The following BANK1 variants were observed in gnomAD, a reference collection of about 807,000 sequenced individuals.
BANK1 encodes the protein B cell scaffold protein with ankyrin repeats 1.
Under a neutral mutation model 94.5 loss-of-function variants are expected in BANK1, and 95 were observed. The observed-to-expected ratio is 1.00, with a 90% CI of 0.85 to 1.19. The LOEUF is 1.19. Among genes scored for constraint, BANK1 ranks in the 50% most tolerant of loss-of-function variants. The probability of loss-of-function intolerance (pLI) is 0.00; values close to 1 mark genes in which losing one functional copy is unlikely to be tolerated. For synonymous variants in BANK1, 334 were observed against 308.4 expected (o/e 1.08, Z -0.87); for missense variants, 987 against 932.2 (o/e 1.06, Z -0.77).
At chr4:102,026,461 G>T (rs1727100955) in intron 9 of BANK1, among the ~76,000 whole-genome samples, 1 of 151,610 alleles carries the variant, frequency 6.6e-6, no homozygotes, top group Non-Finnish European at 1.5e-5. Flanking sequence ...CTATAATTTA[G>T]TTGTTGGGTC....
chr4:101,903,806 A>T (rs1486174352), intron 6 of BANK1, among the ~76,000 whole-genome samples: 1 of 152,198 alleles, frequency 6.6e-6, no homozygotes, highest in Non-Finnish European at 1.5e-5. Context: ...TTTCTGTGGC[A>T]CAATGGTAGT....
intron 7 of BANK1, among the ~76,000 whole-genome samples, chr4:102,002,603 A>G (rs1447448411): frequency 6.6e-6 from 1 of 151,538 alleles, no homozygotes; most frequent in Non-Finnish European, 1.5e-5. Context: ...ATATATACCT[A>G]CTCATATACA....
Position 101,798,370 on chromosome 4 carries a change from C to T in BANK1, c.70+7420C>T, listed in dbSNP as rs140841199. On this transcript the variant is annotated intron_variant, in intron 1 of 16. Coordinates refer to ENST00000322953, the MANE Select transcript of BANK1 (RefSeq NM_017935.5). Reference sequence around the variant, plus strand: ...CAGCAATTTAATTGTTCTCAAAAGCCGATGGCGTCACACCAAAGGGGGGTT... The same window carrying T: ...CAGCAATTTAATTGTTCTCAAAAGCTGATGGCGTCACACCAAAGGGGGGTT... Among the ~76,000 whole-genome samples the T allele has an allele frequency of 6.1e-3, 925 of 152,254 alleles. 15 individuals are homozygous for T. Among genetic ancestry groups the T allele is most frequent in the African/African-American group, 0.021 (877 of 41,556 alleles).
At chr4:101,866,437 C>G (rs1728068517) in intron 4 of BANK1, among the ~76,000 whole-genome samples, 1 of 151,912 alleles carries the variant, frequency 6.6e-6, no homozygotes, top group Non-Finnish European at 1.5e-5. Flanking sequence ...CAAAATGAAG[C>G]ACAATAAATA....
At chr4:102,020,742 C>T (rs7695494) in intron 7 of BANK1, among the ~76,000 whole-genome samples, 15,303 of 152,124 alleles carry the variant, frequency 0.1, 841 homozygotes, top group Middle Eastern at 0.14. Flanking sequence ...AGAACAGAAA[C>T]GTAAGTCATT....
At chr4:102,027,871 C>T (rs1578465312) in intron 9 of BANK1, among the ~76,000 whole-genome samples, 1 of 152,234 alleles carries the variant, frequency 6.6e-6, no homozygotes. Context: ...TTCCAAGAAG[C>T]CCTATAATTA....
Position 102,006,377 on chromosome 4 carries a change from G to T in BANK1, c.1207-15137G>T, listed in dbSNP as rs76267693. 4.7e-3 allele frequency among the ~76,000 whole-genome samples: 717 copies of T among 152,040 alleles called. 13 individuals carry two copies. The East Asian group carries it at 0.055, about 12-fold the overall frequency. On this transcript the variant is annotated intron_variant, in intron 7 of 16. Coordinates refer to ENST00000322953, the MANE Select transcript of BANK1 (RefSeq NM_017935.5). ...ACTTCTAGAGATTCTAACTTAATTG[G>T]TTTTGAGTGGGGCTTGGGAATAGGT...
chr4:101,881,236 C>T (rs779925132), intron 5 of BANK1, among the ~76,000 whole-genome samples: 5 of 151,594 alleles, frequency 3.3e-5, no homozygotes, highest in Non-Finnish European at 7.4e-5. Context: ...AAAAAAAAAT[C>T]TAGTAATCCA....
chr4:101,911,005 T>A lies in BANK1; in HGVS notation c.1010-6988T>A, dbSNP rs547301158. 2.0e-5 allele frequency among the ~76,000 whole-genome samples: 3 copies of A among 152,346 alleles called. No homozygotes were observed. In the South Asian group the frequency reaches 6.2e-4, roughly 32 times the overall value. ...CATAGTACTTAACATGCGTTTTGCT[T>A]ACTCTGTCAAACAGGTCTAAGCACT... On this transcript the variant is annotated intron_variant, in intron 6 of 16. Transcript: ENST00000322953.
At chr4:102,043,798 C>A in intron 10 of BANK1, 41 bp from the exon 11 acceptor site, 1 of 1,355,398 alleles carries the variant, frequency 7.4e-7, no homozygotes, top group Non-Finnish European at 1.0e-6. Context: ...ATTTTTTGAA[C>A]GTTTATGTTC....
intron 7 of BANK1, among the ~76,000 whole-genome samples, chr4:101,982,979 A>C (rs1241013329): frequency 6.6e-6 from 1 of 151,988 alleles, no homozygotes; most frequent in South Asian, 2.1e-4. Context: ...TTGTCCTTGA[A>C]GAATTTTCTG....
chr4:101,846,234 A>T lies in BANK1; in HGVS notation c.470-8801A>T, dbSNP rs553027138. ...ATGTGGCACATATATACCATGGAAT[A>T]CTATGCAGCCATACAAAATGATGAG... On this transcript the variant is annotated intron_variant, in intron 2 of 16. Transcript: ENST00000322953. 6.6e-4 allele frequency among the ~76,000 whole-genome samples: 101 copies of T among 152,366 alleles called. No homozygotes were observed. In the South Asian group the frequency reaches 0.019, roughly 28 times the overall value.
intron 11 of BANK1, among the ~76,000 whole-genome samples, chr4:102,058,251 G>A (rs553392710): frequency 6.6e-6 from 1 of 151,996 alleles, no homozygotes; most frequent in Non-Finnish European, 1.5e-5. Context: ...ACTACAATGG[G>A]TTGGTTGATG....
At chr4:101,873,881 A>C (rs372170478) in intron 5 of BANK1, among the ~76,000 whole-genome samples, 72 of 152,178 alleles carry the variant, frequency 4.7e-4, no homozygotes, top group Non-Finnish European at 9.7e-4. Context: ...TGAGACTTTC[A>C]TCCTATTTAC....
intron 2 of BANK1, among the ~76,000 whole-genome samples, chr4:101,833,513 T>G (rs952471277): frequency 2.6e-5 from 4 of 152,246 alleles, no homozygotes; most frequent in African/African-American, 9.6e-5. Context: ...ACTGCTTCCA[T>G]AGATGCTTCT....
chr4:101,828,382 T>TA (rs1726446950), intron 1 of BANK1, among the ~76,000 whole-genome samples: 1 of 104,036 alleles, frequency 9.6e-6, no homozygotes, highest in Non-Finnish European at 1.7e-5. Flanking sequence ...GATGAGTGAA[T>TA]TTATATATAT....
At chr4:101,897,318 T>C (rs902744433) in intron 6 of BANK1, among the ~76,000 whole-genome samples, 37 of 151,946 alleles carry the variant, frequency 2.4e-4, no homozygotes, top group Non-Finnish European at 4.1e-4. Context: ...GGAATCAAAA[T>C]TGTGGAGATG....
chr4:101,807,051 C>A (rs898392138), intron 1 of BANK1, among the ~76,000 whole-genome samples: 1 of 152,202 alleles, frequency 6.6e-6, no homozygotes, highest in South Asian at 2.1e-4. Context: ...TTTTCTTTAG[C>A]AACCGGGGGT....
rs1206740818 is a variant in BANK1 at position 101,870,582 on chromosome 4, C to G, written c.841C>G (p.Pro281Ala). 3 of 1,612,660 alleles carry G rather than the reference C, an allele frequency of 1.9e-6. No homozygotes were observed. Among genetic ancestry groups the G allele is most frequent in the Non-Finnish European group, 2.5e-6 (3 of 1,179,234 alleles). The change falls in exon 5 of 17, where the codon CCA becomes GCA. Residue 281 changes from proline to alanine, a missense_variant. By Grantham distance (27) the Pro-to-Ala change is conservative. Coordinates refer to ENST00000322953, the MANE Select transcript of BANK1 (RefSeq NM_017935.5). The part of the protein sequence containing the change: ...VKATTKIKYY[P>A]TAKAKECLFR... ...AGCTACAACCAAAATTAAGTACTACCCAACAGCAAAGGCAAAGGAATGCCT... is the reference window on the plus strand; with the variant it reads ...AGCTACAACCAAAATTAAGTACTACGCAACAGCAAAGGCAAAGGAATGCCT...
Sources: allele counts gnomAD v4.1 joint callset (sites outside exome capture counted in the v4.1 genomes callset), GRCh38; gene constraint gnomAD v4.1.1; transcripts MANE v1.5; gene names NCBI Gene and HGNC (gene_info 2026-07-23, HGNC 2026-07-21).